The following AGFG1 variants were observed in gnomAD, a reference collection of about 807,000 sequenced individuals.
AGFG1 encodes the protein ArfGAP with FG repeats 1, also known as arf-GAP domain and FG repeat-containing protein 1.
AGFG1 carries 10 observed loss-of-function variants against 60.6 expected under a neutral mutation model. The observed-to-expected ratio is 0.16, with a 90% CI of 0.10 to 0.28. The LOEUF is 0.28. Ranked by LOEUF, AGFG1 falls within the 10% of genes least tolerant of loss-of-function variation. The probability of loss-of-function intolerance (pLI) is 1.00; values close to 1 mark genes in which losing one functional copy is unlikely to be tolerated. For missense variants in AGFG1, 537 were observed against 676.5 expected, an observed-to-expected ratio of 0.79 and a Z score of 2.29; for synonymous variants, 247 against 242.9, an observed-to-expected ratio of 1.02 and a Z score of -0.16.
intron 2 of AGFG1, among the ~76,000 whole-genome samples, chr2:227,518,656 T>TGGGATTA (rs1315040535): frequency 2.0e-5 from 3 of 151,914 alleles, no homozygotes; most frequent in African/African-American, 7.3e-5. Context: ...CCTGAGTAGC[T>TGGGATTA]GGGATTACAG....
At chr2:227,551,898 T>C in intron 10 of AGFG1, 61 bp from the exon 11 acceptor site, 1 of 1,550,984 alleles carries the variant, frequency 6.4e-7, no homozygotes. Context: ...ACATTTACAA[T>C]GTTGTGAGAA....
intron 1 of AGFG1, among the ~76,000 whole-genome samples, chr2:227,483,112 A>G (rs1009814668): frequency 3.3e-5 from 5 of 151,654 alleles, no homozygotes; most frequent in African/African-American, 1.2e-4. Flanking sequence ...TCCAATAGTT[A>G]TGACTAATAT....
chr2:227,478,753 C>T (rs1690365458), intron 1 of AGFG1, among the ~76,000 whole-genome samples: 1 of 152,152 alleles, frequency 6.6e-6, no homozygotes, highest in Non-Finnish European at 1.5e-5. Flanking sequence ...TCATGCTGTA[C>T]TATTTATGAT....
chr2:227,500,147 G>A (rs771868611), intron 2 of AGFG1, among the ~76,000 whole-genome samples: 1 of 152,174 alleles, frequency 6.6e-6, no homozygotes, highest in Admixed American at 6.5e-5. Flanking sequence ...GGTTTTTGAG[G>A]AATTGGTAAT....
intron 10 of AGFG1, among the ~76,000 whole-genome samples, chr2:227,542,778 G>C (rs573146257): frequency 1.1e-4 from 17 of 152,144 alleles, no homozygotes; most frequent in Non-Finnish European, 1.9e-4. Flanking sequence ...CTGTCAATCT[G>C]TCTGGTCCTG....
chr2:227,502,212 T>A (rs1691178985), intron 2 of AGFG1, among the ~76,000 whole-genome samples: 1 of 152,210 alleles, frequency 6.6e-6, no homozygotes, highest in East Asian at 1.9e-4. Context: ...TTTTTCCTGT[T>A]TATTACCAAG....
intron 10 of AGFG1, among the ~76,000 whole-genome samples, chr2:227,549,011 CT>C (rs5839222): frequency 2.5e-4 from 37 of 148,380 alleles, no homozygotes; most frequent in Non-Finnish European, 2.8e-4. Context: ...CTCAGTTAAC[CT>C]TTTTTTTTTT....
chr2:227,524,826 A>T lies in AGFG1; in HGVS notation c.605A>T (p.Asp202Val). 6.2e-7 allele frequency: 1 copy of T among 1,614,178 alleles called. No homozygotes were observed. The highest frequency in any genetic ancestry group is 1.1e-5 in the South Asian group (1 of 91,084). The change falls in exon 5 of 13, where the codon GAT (aspartate) becomes GTT (valine). Residue 202 changes from aspartate to valine, a missense_variant. By Grantham distance (152) the Asp-to-Val change is radical. Coordinates refer to ENST00000310078, the MANE Select transcript of AGFG1 (RefSeq NM_004504.5). Reference protein sequence around the residue: ...QEKKQFDLLSDLGSDIFAAPA... With the variant: ...QEKKQFDLLSVLGSDIFAAPA... ...AAGAAGCAATTTGACCTTTTAAGTGATCTCGGCTCAGACATCTTTGCTGCT... is the reference window on the plus strand; with the variant it reads ...AAGAAGCAATTTGACCTTTTAAGTGTTCTCGGCTCAGACATCTTTGCTGCT...
chr2:227,553,716 C>T lies in AGFG1; in HGVS notation c.1550C>T (p.Ala517Val), dbSNP rs763399256. Residue 517 changes from alanine to valine, a missense_variant, in exon 12 of 13, where the codon GCA becomes GTA. Ala to Val is a moderately conservative substitution (Grantham distance 64). Transcript: ENST00000310078. The part of the protein sequence containing the change: ...FSQQPNGAGF[A>V]AFGQTKPVVT... ...CTATTTTAACAAGGTGCAGGTTTTGCAGCATTTGGACAAACAAAGCCAGTA... is the reference window on the plus strand; with the variant it reads ...CTATTTTAACAAGGTGCAGGTTTTGTAGCATTTGGACAAACAAAGCCAGTA... 39 of 1,613,414 alleles carry T rather than the reference C, an allele frequency of 2.4e-5. No homozygotes were observed. The South Asian group carries it at 4.3e-4, about 18-fold the overall frequency.
At chr2:227,530,839 C>G (rs1294452220) in intron 5 of AGFG1, among the ~76,000 whole-genome samples, 1 of 152,070 alleles carries the variant, frequency 6.6e-6, no homozygotes, top group Non-Finnish European at 1.5e-5. Flanking sequence ...TGCTTGAGGT[C>G]ATATACAGAG....
chr2:227,520,413 T>C (rs911276900), intron 3 of AGFG1, among the ~76,000 whole-genome samples: 1 of 152,214 alleles, frequency 6.6e-6, no homozygotes, highest in African/African-American at 2.4e-5. Flanking sequence ...TACTGAGTCA[T>C]ATCTTTTTTT....
intron 1 of AGFG1, among the ~76,000 whole-genome samples, chr2:227,473,219 A>T (rs1374187189): frequency 1.3e-5 from 2 of 152,168 alleles, no homozygotes; most frequent in East Asian, 3.9e-4. Context: ...TTGATGGCAG[A>T]TGTGAATCCC....
intron 6 of AGFG1, among the ~76,000 whole-genome samples, 163 bp from the exon 7 acceptor site, chr2:227,533,386 T>C (rs575518581): frequency 6.6e-6 from 1 of 152,292 alleles, no homozygotes; most frequent in East Asian, 1.9e-4. Flanking sequence ...TTTTACAAAA[T>C]TGGAAAACGT....
intron 2 of AGFG1, among the ~76,000 whole-genome samples, chr2:227,519,149 G>C (rs772934448): frequency 2.6e-5 from 4 of 152,180 alleles, no homozygotes; most frequent in Admixed American, 2.0e-4. Context: ...CTGGGTGATA[G>C]AGACAGACCT....
At chr2:227,488,506 A>G (rs979605883) in intron 1 of AGFG1, among the ~76,000 whole-genome samples, 10 of 152,222 alleles carry the variant, frequency 6.6e-5, no homozygotes, top group Non-Finnish European at 1.3e-4. Context: ...TCCATTTTTA[A>G]AAGGAGATAT....
chr2:227,472,881 C>T (rs1055972497), intron 1 of AGFG1, among the ~76,000 whole-genome samples: 2 of 138,914 alleles, frequency 1.4e-5, no homozygotes, highest in Non-Finnish European at 3.1e-5. Flanking sequence ...AGGGGGCGAC[C>T]GGGGCGAGCG....
At position 227,541,516 on chromosome 2, in the gene AGFG1, A is replaced by G. The variant is rs180920923; in HGVS notation, c.1378+4523A>G. ...TATCAGATGGTTGTAGATGTGTGGT[A>G]TTATTTCTGAGGGCTCTGTTCTGTT... On this transcript the variant is annotated intron_variant, in intron 10 of 12. Transcript: ENST00000310078. Among the ~76,000 whole-genome samples the G allele has an allele frequency of 7.5e-4, 114 of 152,162 alleles. No homozygotes were observed. In the East Asian group the frequency reaches 0.021, roughly 28 times the overall value.
At chr2:227,552,365 A>C (rs1391281163) in intron 11 of AGFG1, among the ~76,000 whole-genome samples, 1 of 152,162 alleles carries the variant, frequency 6.6e-6, no homozygotes, top group African/African-American at 2.4e-5. Context: ...TCATTCTCAG[A>C]ATTTCTATTG....
chr2:227,526,676 G>C (rs1001206284), intron 5 of AGFG1, among the ~76,000 whole-genome samples: 1 of 149,006 alleles, frequency 6.7e-6, no homozygotes, highest in Non-Finnish European at 1.5e-5. Context: ...CTGAGTAACT[G>C]GGATCACAGG....
Sources: gnomAD v4.1 joint callset for allele counts (sites outside exome capture counted in the v4.1 genomes callset) on GRCh38, gnomAD v4.1.1 for gene constraint, MANE v1.5 for transcripts, NCBI Gene and HGNC (gene_info 2026-07-23, HGNC 2026-07-21) for gene names.